Variants in NRCAM observed in about 807,000 individuals in gnomAD.
NRCAM encodes neuronal cell adhesion molecule.
In NRCAM, 83 loss-of-function variants were observed where a neutral mutation model predicts 156.5. That is an observed-to-expected ratio of 0.53 (90% CI 0.44 to 0.64). NRCAM has a LOEUF of 0.64. Among genes scored for constraint, NRCAM ranks in the 30% least tolerant of loss-of-function variants. The probability of loss-of-function intolerance (pLI) is 0.00; values close to 1 mark genes in which losing one functional copy is unlikely to be tolerated. For missense variants in NRCAM, 1,417 were observed against 1,597.3 expected (o/e 0.89, Z 1.92); for synonymous variants, 538 against 563.9 (o/e 0.95, Z 0.65).
At chr7:108,337,280 A>C (rs1425819145) in intron 2 of NRCAM, among the ~76,000 whole-genome samples, 1 of 148,080 alleles carries the variant, frequency 6.8e-6, no homozygotes, top group Non-Finnish European at 1.5e-5. Context: ...AAAAAAAAAA[A>C]CCACGGCTAC....
At chr7:108,214,974 T>C (rs1372462153) in intron 11 of NRCAM, among the ~76,000 whole-genome samples, 1 of 152,170 alleles carries the variant, frequency 6.6e-6, no homozygotes, top group Non-Finnish European at 1.5e-5. Flanking sequence ...CTGTTATGAT[T>C]TCTGTTCTTC....
intron 11 of NRCAM, among the ~76,000 whole-genome samples, chr7:108,214,506 T>C (rs905127760): frequency 6.6e-6 from 1 of 152,218 alleles, no homozygotes; most frequent in Non-Finnish European, 1.5e-5. Flanking sequence ...CTTTCTTCTT[T>C]ATTAGTCTGG....
intron 30 of NRCAM, among the ~76,000 whole-genome samples, chr7:108,164,055 C>G (rs1378680325): frequency 1.5e-4 from 2 of 13,548 alleles, no homozygotes; most frequent in African/African-American, 9.6e-4. Context: ...GGTGGGGTGG[C>G]GGTAATGAGA....
intron 5 of NRCAM, 124 bp from the exon 6 acceptor site, chr7:108,234,812 T>C (rs999058366): frequency 2.5e-6 from 2 of 796,834 alleles, no homozygotes. Flanking sequence ...TTTAGTAATT[T>C]CTAGTGTAGC....
chr7:108,248,961 G>GGATGAT (rs71137618), intron 3 of NRCAM, among the ~76,000 whole-genome samples: 61 of 151,802 alleles, frequency 4.0e-4, no homozygotes, highest in Middle Eastern at 3.4e-3. Context: ...TCAGGGAGCA[G>GGATGAT]GATGATGATG....
chr7:108,442,537 C>T (rs1318266054), intron 1 of NRCAM, among the ~76,000 whole-genome samples: 1 of 152,126 alleles, frequency 6.6e-6, no homozygotes, highest in East Asian at 1.9e-4. Context: ...TGGTCTAGTA[C>T]ATAAAATTCT....
At chr7:108,390,997 A>G (rs975094128) in intron 2 of NRCAM, among the ~76,000 whole-genome samples, 1 of 152,084 alleles carries the variant, frequency 6.6e-6, no homozygotes, top group African/African-American at 2.4e-5. Context: ...TTCCAACTAT[A>G]TGGTCAGTTT....
At chr7:108,451,908 C>G (rs2154498260) in intron 1 of NRCAM, among the ~76,000 whole-genome samples, 1 of 152,222 alleles carries the variant, frequency 6.6e-6, no homozygotes, top group South Asian at 2.1e-4. Flanking sequence ...GTACTTAATG[C>G]CACTGAAGTA....
intron 1 of NRCAM, among the ~76,000 whole-genome samples, chr7:108,425,323 G>T (rs1445786214): frequency 1.3e-5 from 2 of 152,126 alleles, no homozygotes; most frequent in African/African-American, 4.8e-5. Context: ...AATTCATTTT[G>T]ATTATTTTCT....
chr7:108,364,115 G>A (rs774730047), intron 2 of NRCAM, among the ~76,000 whole-genome samples: 60 of 152,214 alleles, frequency 3.9e-4, no homozygotes, highest in African/African-American at 1.1e-3. Flanking sequence ...TGGTATTTAC[G>A]GGAAGTCTCT....
In NRCAM at chr7:108,148,752, G is replaced by A. The variant is rs1026191742; in HGVS notation, c.*1158C>T. 5.2e-5 allele frequency: 8 copies of A among 152,394 alleles called. No individual in the cohort carries two copies. Among genetic ancestry groups the A allele is most frequent in the African/African-American group, 1.9e-4 (8 of 41,360 alleles). 9.4% of individuals were successfully genotyped at this position (152,394 alleles called of 1,614,324 possible). A position where few individuals can be genotyped will look rare whatever the true frequency, so the allele number is the denominator to read the frequency against. ...CATGCTGTTGTATGCTTTTAGTGTT[G>A]GAATAACTTAGTTTTAAAATTAATT... On this transcript the variant is annotated 3_prime_UTR_variant, in exon 33 of 33. Transcript: ENST00000379028.
chr7:108,280,106 G>A (rs1052199860), intron 3 of NRCAM, among the ~76,000 whole-genome samples: 2 of 152,184 alleles, frequency 1.3e-5, no homozygotes, highest in African/African-American at 4.8e-5. Flanking sequence ...TACAATGAAA[G>A]CCCAGAATAA....
intron 1 of NRCAM, among the ~76,000 whole-genome samples, chr7:108,432,942 G>GAGAAGGAGAAGGAGA (rs1320927307): frequency 8.6e-5 from 13 of 150,580 alleles, no homozygotes; most frequent in African/African-American, 2.9e-4. Flanking sequence ...GAAAGAGAAA[G>GAGAAGGAGAAGGAGA]AGAAGGAGAA....
chr7:108,213,228 A>C (rs2085733546), intron 11 of NRCAM, among the ~76,000 whole-genome samples: 1 of 152,214 alleles, frequency 6.6e-6, no homozygotes, highest in Admixed American at 6.5e-5. Context: ...CCACCACTAC[A>C]AGAACTGCTA....
At position 108,180,375 on chromosome 7, in the gene NRCAM, T is replaced by C. The variant is rs34721383; in HGVS notation, c.2699A>G (p.Glu900Gly). 10,276 of 1,614,224 alleles carry C rather than the reference T, an allele frequency of 6.4e-3. 48 individuals carry two copies. Among genetic ancestry groups the C allele is most frequent in the Non-Finnish European group, 7.6e-3 (8,968 of 1,180,028 alleles). ...SSSKRNRRHIEKKILTFQGSK... is the reference protein window; with the variant it reads ...SSSKRNRRHIGKKILTFQGSK... ...GCCTTGGAAGGTGAGGATCTTTTTCTCAATGTGACGTCTGTTTCTTTTAGA... is the reference window on the plus strand; with the variant it reads ...GCCTTGGAAGGTGAGGATCTTTTTCCCAATGTGACGTCTGTTTCTTTTAGA... The change falls in exon 25 of 33, where the codon GAG becomes GGG. Residue 900 changes from glutamate (E) to glycine (G), a missense_variant. By Grantham distance (98) the Glu-to-Gly change is moderately conservative. This residue lies in a region of NRCAM where 1,238 missense variants were observed against 1,336.4 expected (regional missense o/e 0.93). Coordinates refer to ENST00000379028, the MANE Select transcript of NRCAM (RefSeq NM_001037132.4).
intron 3 of NRCAM, among the ~76,000 whole-genome samples, chr7:108,247,035 G>T (rs1269642): frequency 0.43 from 66,017 of 151,926 alleles, 17,108 homozygotes; most frequent in East Asian, 0.83. Context: ...TAGATGATGA[G>T]AAGCCAGTGG....
chr7:108,227,219 C>T (rs2093618275), intron 8 of NRCAM, among the ~76,000 whole-genome samples: 1 of 152,186 alleles, frequency 6.6e-6, no homozygotes, highest in Non-Finnish European at 1.5e-5. Context: ...AAGTGAGTAA[C>T]CATCAGCACT....
intron 3 of NRCAM, among the ~76,000 whole-genome samples, chr7:108,254,966 G>C (rs1297158469): frequency 6.6e-6 from 1 of 152,120 alleles, no homozygotes; most frequent in African/African-American, 2.4e-5. Context: ...AATGTATATA[G>C]CAGCATTATT....
At chr7:108,392,221 T>C (rs1339945428) in intron 2 of NRCAM, among the ~76,000 whole-genome samples, 2 of 152,254 alleles carry the variant, frequency 1.3e-5, no homozygotes, top group African/African-American at 2.4e-5. Flanking sequence ...CAATCAGACG[T>C]AGATTTGGTC....
Sources: gnomAD v4.1 joint callset for allele counts (sites outside exome capture counted in the v4.1 genomes callset) on GRCh38, gnomAD v4.1.1 for gene constraint, gnomAD v4.1.1 regional missense constraint, MANE v1.5 for transcripts, NCBI Gene and HGNC (gene_info 2026-07-23, HGNC 2026-07-21) for gene names.